The following BLVRB variants were observed in gnomAD, a reference collection of about 807,000 sequenced individuals.
BLVRB encodes flavin reductase (NADPH).
Under a neutral mutation model 21.1 loss-of-function variants are expected in BLVRB, and 25 were observed. That is an observed-to-expected ratio of 1.19 (90% CI 0.86 to 1.66). BLVRB has a LOEUF of 1.66. BLVRB is among the 40% of genes most tolerant of loss of function. BLVRB has a pLI of 0.00. For missense variants in BLVRB, 274 were observed against 282.7 expected (o/e 0.97, Z 0.22); for synonymous variants, 128 against 122.2 (o/e 1.05, Z -0.31).
chr19:40,462,847 G>T (rs1449253182), intron 1 of BLVRB, among the ~76,000 whole-genome samples: 1 of 131,964 alleles, frequency 7.6e-6, no homozygotes, highest in Non-Finnish European at 1.5e-5. Flanking sequence ...AGCTAAGATT[G>T]TGCCACTGCA....
intron 3 of BLVRB, among the ~76,000 whole-genome samples, 189 bp from the exon 4 acceptor site, chr19:40,451,681 C>T (rs917902056): frequency 6.6e-6 from 1 of 152,078 alleles, no homozygotes; most frequent in East Asian, 1.9e-4. Context: ...TACAGGTGCA[C>T]ACCACCAGGC....
intron 3 of BLVRB, 37 bp from the exon 4 acceptor site, chr19:40,451,529 C>G: frequency 2.1e-6 from 3 of 1,447,634 alleles, no homozygotes; most frequent in Non-Finnish European, 2.7e-6. Flanking sequence ...CCTGGGCTCT[C>G]TTGTCTTTTT....
chr19:40,462,806 T>C (rs2079793923), intron 1 of BLVRB, among the ~76,000 whole-genome samples: 2 of 139,726 alleles, frequency 1.4e-5, no homozygotes, highest in Non-Finnish European at 3.0e-5. Context: ...AGCAGGAGAA[T>C]GGCTGAACTC....
chr19:40,462,149 C>G (rs2079790274), intron 1 of BLVRB, among the ~76,000 whole-genome samples: 1 of 152,220 alleles, frequency 6.6e-6, no homozygotes, highest in South Asian at 2.1e-4. Context: ...TTCCTCATCT[C>G]TGAAGTGAGG....
At chr19:40,449,633 G>A (rs12460634) in intron 4 of BLVRB, among the ~76,000 whole-genome samples, 2,245 of 152,236 alleles carry the variant, frequency 0.015, 124 homozygotes, top group Admixed American at 0.11. Flanking sequence ...CATGTTTTGT[G>A]TGCAAATATC....
Position 40,458,261 on chromosome 19 carries a change from AGTGGCTGTCACTG to A in BLVRB, c.245-30_245-18del. 1 of 1,432,378 alleles carries A rather than the reference AGTGGCTGTCACTG, an allele frequency of 7.0e-7. No homozygotes were observed. Among genetic ancestry groups the A allele is most frequent in the Non-Finnish European group, 9.4e-7 (1 of 1,063,956 alleles). The allele number at this position is 1,432,378 out of a possible 1,614,324, so 88.7% of individuals were successfully genotyped here. On this transcript the variant is annotated intron_variant, in intron 2 of 4. Coordinates refer to ENST00000263368, the MANE Select transcript of BLVRB (RefSeq NM_000713.3). ...TCGTGGGACCTTAGAGGGGACAGAG[AGTGGCTGTCACTG>A]GTGGGCGGCGGCGGCGGCAGGGGTG...
chr19:40,458,420 C>T lies in BLVRB; in HGVS notation c.205G>A (p.Asp69Asn), dbSNP rs767148727. ...ADVDKTVAGQ[D>N]AVIVLLGTRN... ...GTGCCCAGCAGCACGATGACAGCGT[C>T]CTGCCCAGCCACGGTCTTGTCCACA... Residue 69 changes from aspartate (D) to asparagine (N), a missense_variant, in exon 2 of 5, where the codon GAC becomes AAC. Asp to Asn is a conservative substitution (Grantham distance 23). Transcript: ENST00000263368. 184 of 1,592,984 alleles carry T rather than the reference C, an allele frequency of 1.2e-4. No homozygotes were observed. Among genetic ancestry groups the T allele is most frequent in the Non-Finnish European group, 1.5e-4 (177 of 1,170,586 alleles).
chr19:40,459,733 A>G (rs10439102), intron 1 of BLVRB, among the ~76,000 whole-genome samples: 85,656 of 151,960 alleles, frequency 0.56, 26,193 homozygotes, highest in African/African-American at 0.82. Flanking sequence ...ACCACATCCA[A>G]CTAATTTTTG....
rs2079720689 is a variant in BLVRB at position 40,447,822 on chromosome 19, C to A, written c.*67G>T. ...GAGTAATTTGAAGCTCTTGGCTCAA[C>A]ATTTATTGCCCCCTTCCTTTGCTCC... On this transcript the variant is annotated 3_prime_UTR_variant, in exon 5 of 5. Coordinates refer to ENST00000263368, the MANE Select transcript of BLVRB (RefSeq NM_000713.3). The A allele has an allele frequency of 6.4e-7, 1 of 1,554,066 alleles. No individual in the cohort carries two copies. Among genetic ancestry groups the A allele is most frequent in the African/African-American group, 1.4e-5 (1 of 73,880 alleles).
At chr19:40,462,968 C>T (rs938576431) in intron 1 of BLVRB, among the ~76,000 whole-genome samples, 1 of 147,130 alleles carries the variant, frequency 6.8e-6, no homozygotes, top group African/African-American at 2.5e-5. Flanking sequence ...TGTACACAAA[C>T]GCATACATAT....
At chr19:40,455,491 G>C (rs2079758474) in intron 3 of BLVRB, among the ~76,000 whole-genome samples, 1 of 152,040 alleles carries the variant, frequency 6.6e-6, no homozygotes, top group Non-Finnish European at 1.5e-5. Context: ...CTTGAGGTCA[G>C]ACCAGCCTGC....
chr19:40,465,696 G>A lies in BLVRB; in HGVS notation c.-8C>T. The stretch of plus-strand genomic sequence containing the variant: ...GATCTTCTTGACGGCCATCGTACGG[G>A]ATCGTGGGGGTGCAAGGCCTCAGAG... On this transcript the variant is annotated 5_prime_UTR_variant, in exon 1 of 5. Coordinates refer to ENST00000263368, the MANE Select transcript of BLVRB (RefSeq NM_000713.3). The A allele has an allele frequency of 1.2e-6, 2 of 1,612,422 alleles. No individual in the cohort carries two copies. Among genetic ancestry groups the A allele is most frequent in the Non-Finnish European group, 1.7e-6 (2 of 1,179,566 alleles).
chr19:40,459,437 C>T (rs1246731501), intron 1 of BLVRB, among the ~76,000 whole-genome samples: 2 of 146,888 alleles, frequency 1.4e-5, no homozygotes, highest in East Asian at 4.1e-4. Flanking sequence ...AAATTCCTTA[C>T]CTTCTATTTA....
chr19:40,451,478 C>A lies in BLVRB; in HGVS notation c.349G>T (p.Asp117Tyr). 4 of 1,611,584 alleles carry A rather than the reference C, an allele frequency of 2.5e-6. No homozygotes were observed. The highest frequency in any genetic ancestry group is 2.2e-5 in the South Asian group (2 of 90,736). The change falls in exon 4 of 5, where the codon GAC becomes TAC. Residue 117 changes from aspartate (D) to tyrosine (Y), a missense_variant. Transcript: ENST00000263368. ...AGTCGTGGGGGCACCTTGGTAGGGT[C>A]CCAGAGCAGGAAAGCTGGAGGGAAC... Reference protein sequence around the residue: ...VACTSAFLLWDPTKVPPRLQA... With the variant: ...VACTSAFLLWYPTKVPPRLQA...
At position 40,458,159 on chromosome 19, in the gene BLVRB, G is replaced by T. The variant is rs771947418; in HGVS notation, c.330C>A (p.Thr110=). Residue 110 remains threonine (T), a synonymous_variant, in exon 3 of 5, where the codon ACC becomes ACA. Transcript: ENST00000263368. ...CTCCATGATCCCACCACCCACCCGA[G>T]GTGCAGGCCACGACCTTGTCCACAC... The part of the protein sequence containing the change: ...AHGVDKVVAC[T]SAFLLWDPTK... 2.5e-6 allele frequency: 4 copies of T among 1,613,752 alleles called. No individual in the cohort carries two copies. Among genetic ancestry groups the T allele is most frequent in the Non-Finnish European group, 3.4e-6 (4 of 1,179,810 alleles).
chr19:40,465,586 T>C (rs1392158187), intron 1 of BLVRB, 24 bp downstream of exon 1: 1 of 1,601,488 alleles, frequency 6.2e-7, no homozygotes, highest in African/African-American at 1.3e-5. Flanking sequence ...TCCCGTGACA[T>C]GCCCCGCCCG....
intron 3 of BLVRB, among the ~76,000 whole-genome samples, chr19:40,453,467 T>A (rs554497246): frequency 1.3e-5 from 2 of 152,334 alleles, no homozygotes; most frequent in African/African-American, 4.8e-5. Context: ...TCTGGAACAT[T>A]GTAGGTACTT....
chr19:40,463,228 A>C (rs2079795980), intron 1 of BLVRB, among the ~76,000 whole-genome samples: 1 of 152,224 alleles, frequency 6.6e-6, no homozygotes, highest in Non-Finnish European at 1.5e-5. Context: ...TAGTAGGTAG[A>C]GAAGGTTGAA....
At chr19:40,449,406 T>A (rs1306613848) in intron 4 of BLVRB, among the ~76,000 whole-genome samples, 1 of 151,898 alleles carries the variant, frequency 6.6e-6, no homozygotes, top group Non-Finnish European at 1.5e-5. Context: ...CCACCACACC[T>A]GGCTAATTTT....
Sources: gnomAD v4.1 joint callset for allele counts (sites outside exome capture counted in the v4.1 genomes callset) on GRCh38, gnomAD v4.1.1 for gene constraint, MANE v1.5 for transcripts, NCBI Gene and HGNC (gene_info 2026-07-23, HGNC 2026-07-21) for gene names.